PTPRR: variants seen among roughly 807,000 people sequenced by gnomAD.
The protein encoded by PTPRR is protein tyrosine phosphatase receptor type R, also known as receptor-type tyrosine-protein phosphatase R.
In PTPRR, 38 loss-of-function variants were observed where a neutral mutation model predicts 77.2. The observed-to-expected ratio is 0.49, with a 90% CI of 0.38 to 0.65. The LOEUF (loss-of-function observed/expected upper bound fraction) is 0.65, where lower values mean the gene tolerates loss of function less well. Ranked by LOEUF, PTPRR falls within the 30% of genes least tolerant of loss-of-function variation. PTPRR has a pLI of 0.00. For synonymous variants in PTPRR, 299 were observed against 283.1 expected (o/e 1.06, Z -0.57); for missense variants, 744 against 799.2 (o/e 0.93, Z 0.83).
At chr12:70,741,013 TTGGCAGGGAATTGTGGTAGAAAAA>T (rs1890029108) in intron 6 of PTPRR, among the ~76,000 whole-genome samples, 1 of 152,220 alleles carries the variant, frequency 6.6e-6, no homozygotes, top group Non-Finnish European at 1.5e-5. Context: ...TTATGCCATC[TTGGCAGGGAATTGTGGTAGAAAAA>T]TGGGAGTGAG....
chr12:70,684,936 G>A, intron 8 of PTPRR, 153 bp from the exon 9 acceptor site: 1 of 514,766 alleles, frequency 1.9e-6, no homozygotes, highest in Non-Finnish European at 3.4e-6. Flanking sequence ...TGATCCATAT[G>A]TTTATTGAGG....
intron 2 of PTPRR, among the ~76,000 whole-genome samples, chr12:70,872,102 G>A (rs1255145123): frequency 6.6e-6 from 1 of 152,022 alleles, no homozygotes; most frequent in African/African-American, 2.4e-5. Context: ...TTCATAAACA[G>A]ATTTGATTGT....
intron 2 of PTPRR, among the ~76,000 whole-genome samples, chr12:70,868,778 G>C (rs1347228875): frequency 6.6e-6 from 1 of 151,948 alleles, no homozygotes; most frequent in Non-Finnish European, 1.5e-5. Context: ...CAAAGACTTG[G>C]AACCAACCCA....
intron 2 of PTPRR, among the ~76,000 whole-genome samples, chr12:70,891,130 C>A (rs1160845997): frequency 6.6e-6 from 1 of 152,062 alleles, no homozygotes; most frequent in East Asian, 1.9e-4. Context: ...ATGTAATCAT[C>A]ACCCCAAAGG....
At chr12:70,756,699 GTATAGTT>G (rs1890572120) in intron 4 of PTPRR, among the ~76,000 whole-genome samples, 1 of 152,138 alleles carries the variant, frequency 6.6e-6, no homozygotes, top group African/African-American at 2.4e-5. Context: ...TCAGTTTTCT[GTATAGTT>G]AACAATGGCT....
At position 70,639,370 on chromosome 12, in the gene PTPRR, A is replaced by G. The variant is rs377284302; in HGVS notation, c.1881-93T>C. The G allele has an allele frequency of 5.9e-5, 87 of 1,477,578 alleles. 2 individuals carry two copies. The Middle Eastern group carries it at 1.3e-3, about 22-fold the overall frequency. The allele number at this position is 1,477,578 out of a possible 1,614,324, so 91.5% of individuals were successfully genotyped here. A position where few individuals can be genotyped will look rare whatever the true frequency, so the allele number is the denominator to read the frequency against. On this transcript the variant is annotated intron_variant, in intron 13 of 13. Coordinates refer to ENST00000283228, the MANE Select transcript of PTPRR (RefSeq NM_002849.4). Reference sequence around the variant, plus strand: ...TTCATCCAAGCTAGGGTATTATGCCAAAGACACATAGAACAGTCGACCTAG... The same window carrying G: ...TTCATCCAAGCTAGGGTATTATGCCGAAGACACATAGAACAGTCGACCTAG...
chr12:70,856,639 G>C (rs1042303557), intron 2 of PTPRR, among the ~76,000 whole-genome samples: 3 of 152,182 alleles, frequency 2.0e-5, no homozygotes, highest in Admixed American at 1.3e-4. Context: ...CACACCTAGA[G>C]CTAGGGATGT....
chr12:70,767,731 C>T (rs1231538832), intron 2 of PTPRR, among the ~76,000 whole-genome samples: 1 of 152,170 alleles, frequency 6.6e-6, no homozygotes, highest in East Asian at 1.9e-4. Flanking sequence ...AGCACCACAC[C>T]ACACCTGTTC....
chr12:70,826,567 G>T (rs1892112490), intron 2 of PTPRR, among the ~76,000 whole-genome samples: 1 of 152,160 alleles, frequency 6.6e-6, no homozygotes, highest in Admixed American at 6.5e-5. Context: ...TTAGAGACAA[G>T]GTTTTCCCCA....
In PTPRR at chr12:70,669,763, TA is replaced by T. The variant is rs201580892; in HGVS notation, c.1498-7159del. Among the ~76,000 whole-genome samples, 1,217 of 151,582 alleles carry T rather than the reference TA, an allele frequency of 8.0e-3. 10 individuals carry two copies. Among genetic ancestry groups the T allele is most frequent in the Non-Finnish European group, 0.013 (885 of 67,868 alleles). On this transcript the variant is annotated intron_variant, in intron 10 of 13. Transcript: ENST00000283228. ...TATTCCTATCATGGCAATGGCTAAT[TA>T]AAAAAAAATTTCATTTGTAGAGACA... is the stretch of plus-strand genomic sequence containing the variant.
rs559359245 is a variant in PTPRR, at chr12:70,815,176, T to C, written c.358-50398A>G. ...CACGTGTCACTTCTAGAAAAAAAAT[T>C]GCAATGTCTAGAATAAAAAATGCAG... On this transcript the variant is annotated intron_variant, in intron 2 of 13. Coordinates refer to ENST00000283228, the MANE Select transcript of PTPRR (RefSeq NM_002849.4). Among the ~76,000 whole-genome samples the C allele has an allele frequency of 6.6e-4, 93 of 141,434 alleles. 3 individuals carry two copies. In the South Asian group the frequency reaches 0.021, roughly 31 times the overall value. 92.8% of individuals were successfully genotyped at this position (141,434 alleles called of 152,430 possible). A position where few individuals can be genotyped will look rare whatever the true frequency, so the allele number is the denominator to read the frequency against.
At chr12:70,909,534 C>T (rs1319413665) in intron 1 of PTPRR, among the ~76,000 whole-genome samples, 1 of 152,188 alleles carries the variant, frequency 6.6e-6, no homozygotes, top group Non-Finnish European at 1.5e-5. Flanking sequence ...TTAATCTGAA[C>T]TGAATTTCTC....
At chr12:70,838,644 A>T (rs1452535841) in intron 2 of PTPRR, among the ~76,000 whole-genome samples, 1 of 152,200 alleles carries the variant, frequency 6.6e-6, no homozygotes, top group Non-Finnish European at 1.5e-5. Context: ...AAATGATATC[A>T]CAGGAACATA....
chr12:70,689,348 T>A (rs747591399), intron 8 of PTPRR, among the ~76,000 whole-genome samples: 7 of 151,930 alleles, frequency 4.6e-5, no homozygotes, highest in Non-Finnish European at 8.8e-5. Context: ...TAAAGAGTAA[T>A]CTCCAAATAA....
At chr12:70,768,623 A>T (rs1044558098) in intron 2 of PTPRR, among the ~76,000 whole-genome samples, 1 of 152,228 alleles carries the variant, frequency 6.6e-6, no homozygotes, top group African/African-American at 2.4e-5. Flanking sequence ...TATTCCAATC[A>T]ATAGAAAAAG....
At chr12:70,747,595 A>G (rs534639330) in intron 5 of PTPRR, among the ~76,000 whole-genome samples, 99 of 152,320 alleles carry the variant, frequency 6.5e-4, no homozygotes, top group African/African-American at 2.3e-3. Flanking sequence ...TGTAAAACAA[A>G]GTCTAGTCCA....
Position 70,731,993 on chromosome 12 carries a change from C to T in PTPRR, c.1007+13825G>A, listed in dbSNP as rs974552247. 3.3e-5 allele frequency among the ~76,000 whole-genome samples: 5 copies of T among 152,120 alleles called. 1 individual carries two copies. The highest frequency in any genetic ancestry group is 2.0e-4 in the Admixed American group (3 of 15,282). ...GGAGAAGAGAATTTAAGGACAGCAA[C>T]ACTGATTTTAAAAAGCTGCCTTGGG... On this transcript the variant is annotated intron_variant, in intron 6 of 13. Coordinates refer to ENST00000283228, the MANE Select transcript of PTPRR (RefSeq NM_002849.4).
chr12:70,716,370 T>C (rs1889031855), intron 6 of PTPRR, among the ~76,000 whole-genome samples: 1 of 152,124 alleles, frequency 6.6e-6, no homozygotes, highest in African/African-American at 2.4e-5. Context: ...CTAATGAAAT[T>C]TATGTATTTG....
At chr12:70,797,016 TA>T (rs994751612) in intron 2 of PTPRR, among the ~76,000 whole-genome samples, 5 of 151,972 alleles carry the variant, frequency 3.3e-5, no homozygotes, top group African/African-American at 1.2e-4. Flanking sequence ...AGACTCTGTC[TA>T]AAAAAAATTG....
Sources: allele counts gnomAD v4.1 joint callset (sites outside exome capture counted in the v4.1 genomes callset), GRCh38; gene constraint gnomAD v4.1.1; transcripts MANE v1.5; gene names NCBI Gene and HGNC (gene_info 2026-07-23, HGNC 2026-07-21).